DLG5: variants seen among roughly 807,000 people sequenced by gnomAD.
DLG5 encodes disks large homolog 5.
A neutral mutation model predicts 189.8 loss-of-function variants in DLG5; 48 were observed. The ratio of observed to expected loss-of-function variants is 0.25; its 90% CI spans 0.20 to 0.32. DLG5 has a LOEUF of 0.32. DLG5 is among the 10% of genes least tolerant of loss of function. DLG5 has a pLI of 1.00. For synonymous variants in DLG5, 1,016 were observed against 1,054.1 expected (o/e 0.96, Z 0.70); for missense variants, 2,160 against 2,544.7 (o/e 0.85, Z 3.25).
intron 1 of DLG5, chr10:77,912,677 G>A (rs1271057590): frequency 6.6e-6 from 1 of 152,200 alleles, no homozygotes; most frequent in African/African-American, 2.4e-5. Flanking sequence ...CCACAAAGTG[G>A]CTATGTGTCT....
chr10:77,833,092 C>T (rs568661436), intron 9 of DLG5, among the ~76,000 whole-genome samples: 1 of 152,180 alleles, frequency 6.6e-6, no homozygotes, highest in Non-Finnish European at 1.5e-5. Context: ...AAATGTCGCA[C>T]AATGGATGGA....
rs1422422378 is a variant in DLG5 at position 77,821,389 on chromosome 10, G to C, written c.3095C>G (p.Ser1032Cys). ...IKFQHRLETS[S>C]ESEATLVGSS... Reference sequence around the variant, plus strand: ...GCCCACCAGAGTGGCTTCTGACTCGGAGCTAGTCTCCAGCCTGTGCTGGAA... The same window carrying C: ...GCCCACCAGAGTGGCTTCTGACTCGCAGCTAGTCTCCAGCCTGTGCTGGAA... Residue 1032 changes from serine to cysteine, a missense_variant, in exon 15 of 32, where the codon TCC becomes TGC. Coordinates refer to ENST00000372391, the MANE Select transcript of DLG5 (RefSeq NM_004747.4). The C allele has an allele frequency of 6.2e-7, 1 of 1,612,550 alleles. No individual in the cohort carries two copies.
At position 77,821,574 on chromosome 10, in the gene DLG5, T is replaced by C. The variant is rs1248003345; in HGVS notation, c.2910A>G (p.Arg970=). The part of the protein sequence containing the change: ...KLSVYKKPKQ[R]KSIFDPNTFK... ...AAGTGTTAGGGTCAAAGATGGACTT[T>C]CTTTGCTTTGGCTTTTTATAAACAG... Residue 970 remains arginine, a synonymous_variant, in exon 15 of 32, where the codon AGA becomes AGG. Transcript: ENST00000372391. 1 of 1,613,000 alleles carries C rather than the reference T, an allele frequency of 6.2e-7. No individual in the cohort carries two copies. Among genetic ancestry groups the C allele is most frequent in the South Asian group, 1.1e-5 (1 of 91,088 alleles).
intron 9 of DLG5, among the ~76,000 whole-genome samples, chr10:77,833,649 C>T (rs1842982240): frequency 6.6e-6 from 1 of 152,258 alleles, no homozygotes; most frequent in Non-Finnish European, 1.5e-5. Flanking sequence ...GTCCTCCCTT[C>T]CTAGTGCCTT....
At chr10:77,919,584 CTTTTTTTTTTTTTT>C (rs71030919) in intron 1 of DLG5, among the ~76,000 whole-genome samples, 1 of 67,738 alleles carries the variant, frequency 1.5e-5, no homozygotes, top group Admixed American at 2.1e-4. Flanking sequence ...CAGTTCAGGG[CTTTTTTTTTTTTTT>C]TTTTTTTTTT....
At chr10:77,901,365 A>C (rs1845921882) in intron 1 of DLG5, among the ~76,000 whole-genome samples, 2 of 152,210 alleles carry the variant, frequency 1.3e-5, no homozygotes, top group Admixed American at 1.3e-4. Context: ...CTTGACCTTT[A>C]CAGGGACAAC....
intron 27 of DLG5, among the ~76,000 whole-genome samples, chr10:77,804,422 G>A (rs1454964008): frequency 1.3e-5 from 2 of 152,188 alleles, no homozygotes. Flanking sequence ...TAGTGACAGT[G>A]GGCCATGAAC....
At chr10:77,809,407 A>G in intron 24 of DLG5, 140 bp downstream of exon 24, 1 of 926,032 alleles carries the variant, frequency 1.1e-6, no homozygotes, top group Non-Finnish European at 1.6e-6. Flanking sequence ...CTCTGCCTCA[A>G]CAACAACAAC....
chr10:77,811,900 C>T (rs766745485), intron 22 of DLG5, 24 bp downstream of exon 22: 28 of 1,591,212 alleles, frequency 1.8e-5, no homozygotes, highest in East Asian at 1.1e-4. Context: ...CCAGCCCAGA[C>T]GGCCCTGGGA....
intron 1 of DLG5, among the ~76,000 whole-genome samples, chr10:77,913,276 G>C (rs1846275426): frequency 6.6e-6 from 1 of 152,000 alleles, no homozygotes; most frequent in African/African-American, 2.4e-5. Flanking sequence ...GAAACAACCG[G>C]CCTGGGCAAG....
At chr10:77,924,880 AT>A (rs1353439165) in intron 1 of DLG5, among the ~76,000 whole-genome samples, 7 of 152,290 alleles carry the variant, frequency 4.6e-5, no homozygotes, top group African/African-American at 1.7e-4. Flanking sequence ...TGAGGTTAAG[AT>A]GGCCAACGTA....
chr10:77,838,363 C>G (rs1054480529), intron 7 of DLG5, among the ~76,000 whole-genome samples: 2 of 152,300 alleles, frequency 1.3e-5, no homozygotes, highest in African/African-American at 2.4e-5. Context: ...CCTCCCTCCT[C>G]CTGGGAGCAA....
rs563925589 is a variant in DLG5 at position 77,841,962 on chromosome 10, T to G, written c.1356A>C (p.Glu452Asp). 1 of 1,614,186 alleles carries G rather than the reference T, an allele frequency of 6.2e-7. No homozygotes were observed. The highest frequency in any genetic ancestry group is 8.5e-7 in the Non-Finnish European group (1 of 1,180,040). The change falls in exon 7 of 32, where the codon GAA (glutamate) becomes GAC (aspartate). Residue 452 changes from glutamate (E) to aspartate (D), a missense_variant. Glu to Asp is a conservative substitution (Grantham distance 45, BLOSUM62 2). Transcript: ENST00000372391. ...TGAGCTTGGACTCGGCCAGCTCCACTTCGGTCTGCAGCTTGTCCAGCTCAG... is the reference window on the plus strand; with the variant it reads ...TGAGCTTGGACTCGGCCAGCTCCACGTCGGTCTGCAGCTTGTCCAGCTCAG... The part of the protein sequence containing the change: ...VISELDKLQT[E>D]VELAESKLKS...
Position 77,793,918 on chromosome 10 carries a change from G to A in DLG5, c.5656+90C>T, listed in dbSNP as rs551740752. The A allele has an allele frequency of 3.0e-4, 362 of 1,201,016 alleles. 1 individual carries two copies. In the East Asian group the frequency reaches 7.0e-3, roughly 23 times the overall value. 74.4% of individuals were successfully genotyped at this position (1,201,016 alleles called of 1,614,324 possible). A position where few individuals can be genotyped will look rare whatever the true frequency, so the allele number is the denominator to read the frequency against. Reference sequence around the variant, plus strand: ...GCACTTGGGAGCATGTAGAAAGTGCGGGCTTCTCCACGGCTAAGAAAACAG... The same window carrying A: ...GCACTTGGGAGCATGTAGAAAGTGCAGGCTTCTCCACGGCTAAGAAAACAG... On this transcript the variant is annotated intron_variant, in intron 31 of 31. Transcript: ENST00000372391.
At chr10:77,823,294 T>C (rs1017062132) in intron 14 of DLG5, among the ~76,000 whole-genome samples, 1 of 152,202 alleles carries the variant, frequency 6.6e-6, no homozygotes, top group Admixed American at 6.5e-5. Flanking sequence ...CATCTCTTAA[T>C]AGAAAGTTAG....
intron 2 of DLG5, among the ~76,000 whole-genome samples, chr10:77,860,533 G>A (rs1844432768): frequency 6.6e-6 from 1 of 152,170 alleles, no homozygotes; most frequent in East Asian, 1.9e-4. Flanking sequence ...CTGACTTCAG[G>A]TGATCCACCC....
At chr10:77,815,196 A>G (rs1318921027) in intron 20 of DLG5, among the ~76,000 whole-genome samples, 1 of 152,222 alleles carries the variant, frequency 6.6e-6, no homozygotes, top group East Asian at 1.9e-4. Flanking sequence ...TGAGTAAAAC[A>G]GGCCAGCATG....
chr10:77,819,519 A>C, intron 16 of DLG5, 54 bp from the exon 17 acceptor site: 1 of 1,570,486 alleles, frequency 6.4e-7, no homozygotes. Flanking sequence ...CCAGCCCAGG[A>C]CTTACACAAG....
chr10:77,874,007 C>T (rs184342590), intron 1 of DLG5, among the ~76,000 whole-genome samples: 1 of 152,354 alleles, frequency 6.6e-6, no homozygotes, highest in East Asian at 1.9e-4. Flanking sequence ...TGAGGAACCA[C>T]AGCCTGACGA....
Sources: gnomAD v4.1 joint callset for allele counts (sites outside exome capture counted in the v4.1 genomes callset) on GRCh38, gnomAD v4.1.1 for gene constraint, MANE v1.5 for transcripts, NCBI Gene and HGNC (gene_info 2026-07-23, HGNC 2026-07-21) for gene names.